USP13: variants seen among roughly 807,000 people sequenced by gnomAD.
USP13 encodes ubiquitin carboxyl-terminal hydrolase 13.
USP13 carries 68 observed loss-of-function variants against 107.8 expected under a neutral mutation model. That is an observed-to-expected ratio of 0.63 (90% CI 0.52 to 0.77). The LOEUF (loss-of-function observed/expected upper bound fraction) is 0.77. Among genes scored for constraint, USP13 ranks in the 30% least tolerant of loss-of-function variants. The probability of loss-of-function intolerance (pLI) is 0.00; values close to 1 mark genes in which losing one functional copy is unlikely to be tolerated. For missense variants in USP13, 945 were observed against 1,093.3 expected, an observed-to-expected ratio of 0.86 and a Z score of 1.91; for synonymous variants, 377 against 389.5, an observed-to-expected ratio of 0.97 and a Z score of 0.38.
At chr3:179,709,263 T>G in intron 6 of USP13, among the ~76,000 whole-genome samples, 1 of 152,228 alleles carries the variant, frequency 6.6e-6, no homozygotes, top group Non-Finnish European at 1.5e-5. Flanking sequence ...GTTATTATCC[T>G]TCTGTGTATC....
intron 10 of USP13, among the ~76,000 whole-genome samples, chr3:179,736,760 T>A (rs1714009721): frequency 6.6e-6 from 1 of 152,192 alleles, no homozygotes. Flanking sequence ...TTTCCCACCA[T>A]GGTCTCTATT....
intron 12 of USP13, among the ~76,000 whole-genome samples, chr3:179,744,267 A>G (rs1383316040): frequency 1.3e-5 from 2 of 151,722 alleles, no homozygotes; most frequent in Non-Finnish European, 2.9e-5. Context: ...ACCTCTAATC[A>G]TAGTTGCTGG....
intron 19 of USP13, among the ~76,000 whole-genome samples, chr3:179,770,637 GCT>G (rs1715315622): frequency 6.7e-6 from 1 of 150,136 alleles, no homozygotes; most frequent in Non-Finnish European, 1.5e-5. Flanking sequence ...ATGGAGTCTC[GCT>G]CTGTCGCCAG....
At chr3:179,712,578 T>A (rs1239467462) in intron 6 of USP13, among the ~76,000 whole-genome samples, 1 of 152,176 alleles carries the variant, frequency 6.6e-6, no homozygotes, top group African/African-American at 2.4e-5. Flanking sequence ...TATGTTTTTC[T>A]ATGCTATTAA....
intron 19 of USP13, among the ~76,000 whole-genome samples, chr3:179,778,599 A>G (rs930043444): frequency 5.3e-5 from 8 of 152,178 alleles, no homozygotes; most frequent in African/African-American, 1.9e-4. Flanking sequence ...CCCCGTCTCT[A>G]CTAAAAATGC....
intron 5 of USP13, 82 bp downstream of exon 5, chr3:179,707,158 G>A: frequency 6.8e-7 from 1 of 1,465,976 alleles, no homozygotes; most frequent in Non-Finnish European, 9.1e-7. Context: ...TTTTTGAATA[G>A]GAAGTTATAT....
At chr3:179,654,648 C>A (rs1452294744) in intron 1 of USP13, among the ~76,000 whole-genome samples, 12 of 152,052 alleles carry the variant, frequency 7.9e-5, no homozygotes. Flanking sequence ...CATTGGGAGG[C>A]GCATGGATTG....
At position 179,654,472 on chromosome 3, in the gene USP13, T is replaced by A. The variant is rs549839608; in HGVS notation, c.168+1079T>A. ...CGGTTGGTGGTGGTTTTCACCTGGT[T>A]CTATGTGAATGTGTGAGAAGCAGCA... On this transcript the variant is annotated intron_variant, in intron 1 of 20. Transcript: ENST00000263966. Among the ~76,000 whole-genome samples, 13 of 152,316 alleles carry A rather than the reference T, an allele frequency of 8.5e-5. No individual in the cohort carries two copies. In the East Asian group the frequency reaches 2.3e-3, roughly 27 times the overall value.
At chr3:179,667,512 T>G (rs1720621289) in intron 1 of USP13, among the ~76,000 whole-genome samples, 1 of 152,208 alleles carries the variant, frequency 6.6e-6, no homozygotes, top group South Asian at 2.1e-4. Flanking sequence ...CTCAGTTGAG[T>G]GTGTTCGTAT....
At chr3:179,730,548 G>A in intron 9 of USP13, 68 bp from the exon 10 acceptor site, 1 of 1,327,660 alleles carries the variant, frequency 7.5e-7, no homozygotes, top group Non-Finnish European at 1.1e-6. Flanking sequence ...GATATTCATA[G>A]ATAAATTTAA....
intron 1 of USP13, among the ~76,000 whole-genome samples, chr3:179,655,127 C>T (rs1350441565): frequency 6.6e-6 from 1 of 152,032 alleles, no homozygotes; most frequent in Non-Finnish European, 1.5e-5. Context: ...ATTGTTACCT[C>T]CAGGAAGAAG....
intron 10 of USP13, among the ~76,000 whole-genome samples, chr3:179,734,229 C>T (rs1039180710): frequency 1.3e-5 from 2 of 152,114 alleles, no homozygotes; most frequent in African/African-American, 2.4e-5. Flanking sequence ...ATTTGTGGTA[C>T]CGCCATTTTT....
intron 1 of USP13, among the ~76,000 whole-genome samples, chr3:179,660,390 C>T (rs550401923): frequency 8.5e-4 from 129 of 152,294 alleles, no homozygotes; most frequent in African/African-American, 2.6e-3. Context: ...TTTGTCCTTT[C>T]GTGTCTGGCT....
intron 1 of USP13, among the ~76,000 whole-genome samples, chr3:179,671,022 A>G (rs1720736241): frequency 6.6e-6 from 1 of 151,232 alleles, no homozygotes; most frequent in Non-Finnish European, 1.5e-5. Flanking sequence ...GGAGGCCAAG[A>G]TGGGTGGATC....
intron 1 of USP13, among the ~76,000 whole-genome samples, chr3:179,655,553 T>TG (rs1265063379): frequency 4.3e-5 from 6 of 140,532 alleles, no homozygotes; most frequent in Admixed American, 7.1e-5. Context: ...GGAAGGTTTT[T>TG]TTTGTTTTGT....
intron 6 of USP13, among the ~76,000 whole-genome samples, chr3:179,718,957 A>C (rs1453837208): frequency 6.6e-6 from 1 of 151,936 alleles, no homozygotes; most frequent in Non-Finnish European, 1.5e-5. Context: ...GGGTTTCACC[A>C]TGTTAGCCAG....
chr3:179,741,043 G>C (rs1714178552), intron 11 of USP13, among the ~76,000 whole-genome samples: 1 of 151,866 alleles, frequency 6.6e-6, no homozygotes, highest in African/African-American at 2.4e-5. Context: ...GGGATTACAG[G>C]TGTGAGCTGG....
At chr3:179,672,543 C>G (rs775588597) in intron 1 of USP13, among the ~76,000 whole-genome samples, 2 of 151,348 alleles carry the variant, frequency 1.3e-5, no homozygotes, top group African/African-American at 2.4e-5. Context: ...TACCACCATG[C>G]GCGGCTAATT....
At chr3:179,730,789 T>C in intron 10 of USP13, 80 bp downstream of exon 10, 2 of 1,332,212 alleles carry the variant, frequency 1.5e-6, no homozygotes, top group Non-Finnish European at 2.1e-6. Flanking sequence ...ATTTGGCACA[T>C]GGTGGCCATA....
Sources: gnomAD v4.1 joint callset for allele counts (sites outside exome capture counted in the v4.1 genomes callset) on GRCh38, gnomAD v4.1.1 for gene constraint, MANE v1.5 for transcripts, NCBI Gene and HGNC (gene_info 2026-07-23, HGNC 2026-07-21) for gene names.